ARID1B: variants seen among roughly 807,000 people sequenced by gnomAD.
The protein encoded by ARID1B is AT-rich interactive domain-containing protein 1B.
ARID1B carries 30 observed loss-of-function variants against 212.3 expected under a neutral mutation model. That is an observed-to-expected ratio of 0.14 (90% CI 0.11 to 0.19). The LOEUF (loss-of-function observed/expected upper bound fraction) is 0.19, where lower values mean the gene tolerates loss of function less well. Ranked by LOEUF, ARID1B falls within the 10% of genes least tolerant of loss-of-function variation. The probability of loss-of-function intolerance (pLI) is 1.00; values close to 1 mark genes in which losing one functional copy is unlikely to be tolerated. For synonymous variants in ARID1B, 1,402 were observed against 1,301.7 expected, an observed-to-expected ratio of 1.08 and a Z score of -1.66; for missense variants, 2,891 against 3,204.0, an observed-to-expected ratio of 0.90 and a Z score of 2.36.
intron 3 of ARID1B, among the ~76,000 whole-genome samples, chr6:156,931,754 G>T (rs1342952936): frequency 6.6e-6 from 1 of 152,016 alleles, no homozygotes; most frequent in Non-Finnish European, 1.5e-5. Context: ...CTTGAGGTTG[G>T]GAGTTTGAGA....
chr6:156,918,744 C>T (rs1008541390), intron 3 of ARID1B, among the ~76,000 whole-genome samples: 14 of 152,058 alleles, frequency 9.2e-5, no homozygotes, highest in African/African-American at 3.4e-4. Flanking sequence ...GGCTTCTAAC[C>T]TTGTGTTGGG....
intron 2 of ARID1B, among the ~76,000 whole-genome samples, chr6:156,898,925 C>T (rs1433108329): frequency 6.6e-6 from 1 of 152,146 alleles, no homozygotes; most frequent in Non-Finnish European, 1.5e-5. Context: ...GAGCCAAGAT[C>T]GCGCCATTGC....
At chr6:156,910,133 G>A (rs1205060604) in intron 3 of ARID1B, among the ~76,000 whole-genome samples, 2 of 152,226 alleles carry the variant, frequency 1.3e-5, no homozygotes. Context: ...CGTAATGTTT[G>A]GTTGTCCCAC....
chr6:157,006,976 A>C (rs1583130396), intron 4 of ARID1B, among the ~76,000 whole-genome samples: 1 of 152,250 alleles, frequency 6.6e-6, no homozygotes, highest in Non-Finnish European at 1.5e-5. Context: ...CAGACACGCA[A>C]AGTTTATCAG....
intron 4 of ARID1B, among the ~76,000 whole-genome samples, chr6:156,994,782 C>T (rs1013953896): frequency 6.6e-6 from 1 of 152,136 alleles, no homozygotes; most frequent in African/African-American, 2.4e-5. Context: ...GATTGTCCTC[C>T]ACCAGTGGAC....
chr6:156,838,733 A>AAT (rs1049287456), intron 2 of ARID1B, among the ~76,000 whole-genome samples: 3 of 149,678 alleles, frequency 2.0e-5, no homozygotes, highest in Non-Finnish European at 3.0e-5. Flanking sequence ...TAATAATAAT[A>AAT]AACAAAAAAA....
At position 157,167,214 on chromosome 6, in the gene ARID1B, C is replaced by T. The variant is rs376024700; in HGVS notation, c.3235+29C>T. The T allele has an allele frequency of 5.6e-6, 9 of 1,593,892 alleles. No homozygotes were observed. The African/African-American group carries it at 1.2e-4, about 21-fold the overall frequency. ...ACCTTGGCAGCTCTGCGCTCCTGAG[C>T]CCCTCTCTCTCCCCTCTCCTCCTCT... On this transcript the variant is annotated intron_variant, in intron 9 of 19. Coordinates refer to ENST00000636930, the MANE Select transcript of ARID1B (RefSeq NM_001374828.1).
intron 2 of ARID1B, among the ~76,000 whole-genome samples, chr6:156,854,106 A>G (rs1361579674): frequency 6.6e-6 from 1 of 152,224 alleles, no homozygotes; most frequent in East Asian, 1.9e-4. Context: ...ACTAAAAAAC[A>G]AACTTTTTTT....
chr6:157,117,497 T>G (rs1465427933), intron 6 of ARID1B, among the ~76,000 whole-genome samples: 1 of 152,170 alleles, frequency 6.6e-6, no homozygotes, highest in Non-Finnish European at 1.5e-5. Context: ...CTCTTACCTT[T>G]TCCTGCAATC....
chr6:157,023,961 A>G (rs1451010333), intron 4 of ARID1B: 1 of 152,204 alleles, frequency 6.6e-6, no homozygotes, highest in East Asian at 1.9e-4. Flanking sequence ...TATTCTTTAA[A>G]CTTTCACCAA....
chr6:156,827,596 G>A (rs961591950), intron 1 of ARID1B, among the ~76,000 whole-genome samples: 5 of 152,110 alleles, frequency 3.3e-5, no homozygotes, highest in Admixed American at 2.6e-4. Flanking sequence ...TCGTAAATTC[G>A]TGCTTCACGT....
chr6:157,096,521 C>A (rs956990069), intron 5 of ARID1B, among the ~76,000 whole-genome samples: 1 of 152,258 alleles, frequency 6.6e-6, no homozygotes, highest in Non-Finnish European at 1.5e-5. Context: ...TTAGTCCAAT[C>A]TGAAAGAAGT....
chr6:156,795,139 A>ACTAGTC (rs1780275517), intron 1 of ARID1B, among the ~76,000 whole-genome samples: 1 of 86,248 alleles, frequency 1.2e-5, no homozygotes, highest in South Asian at 2.9e-4. Context: ...ATTTAGAGGA[A>ACTAGTC]AGCCTGCTTG....
chr6:157,149,152 T>A (rs1790018656), intron 8 of ARID1B: 2 of 606,678 alleles, frequency 3.3e-6, no homozygotes, highest in Non-Finnish European at 5.8e-6. Context: ...TTATGATACA[T>A]GAGGAAGGAA....
intron 4 of ARID1B, among the ~76,000 whole-genome samples, chr6:157,056,276 G>T (rs1033554634): frequency 6.6e-6 from 1 of 152,028 alleles, no homozygotes; most frequent in Non-Finnish European, 1.5e-5. Flanking sequence ...AGATACAAAG[G>T]TCTTTTTTTT....
intron 4 of ARID1B, among the ~76,000 whole-genome samples, chr6:157,005,861 T>C (rs1401922270): frequency 6.6e-6 from 1 of 152,210 alleles, no homozygotes; most frequent in Non-Finnish European, 1.5e-5. Flanking sequence ...TCCCTGAACT[T>C]AAAACTCTCT....
intron 4 of ARID1B, among the ~76,000 whole-genome samples, chr6:157,065,226 TG>T (rs1257992258): frequency 6.6e-6 from 1 of 152,218 alleles, no homozygotes; most frequent in African/African-American, 2.4e-5. Flanking sequence ...AAGGAAAATC[TG>T]AGAGACAAAT....
At position 156,778,408 on chromosome 6, in the gene ARID1B, G is replaced by C. The variant is rs1340926951; in HGVS notation, c.728G>C (p.Gly243Ala). 2 of 1,533,786 alleles carry C rather than the reference G, an allele frequency of 1.3e-6. No homozygotes were observed. Among genetic ancestry groups the C allele is most frequent in the Non-Finnish European group, 1.7e-6 (2 of 1,145,112 alleles). The change falls in exon 1 of 20, where the codon GGA (glycine) becomes GCA (alanine). Residue 243 changes from glycine (G) to alanine (A), a missense_variant. This residue lies in a region of ARID1B where 1,643 missense variants were observed against 1,544.0 expected (regional missense o/e 1.06). Transcript: ENST00000636930. ...CCCGACATGGAGCAGCCGCAACATG[G>C]AGGCGCCAAGGACAGTGCTGCGGGC... ...PGPDMEQPQH[G>A]GAKDSAAGGQ...
At chr6:156,916,004 T>C (rs1212700279) in intron 3 of ARID1B, among the ~76,000 whole-genome samples, 6 of 151,158 alleles carry the variant, frequency 4.0e-5, no homozygotes, top group African/African-American at 1.2e-4. Context: ...TTTTAATATA[T>C]ATTTTCCAGT....
Sources: allele counts gnomAD v4.1 joint callset (sites outside exome capture counted in the v4.1 genomes callset), GRCh38; gene constraint gnomAD v4.1.1; regional missense constraint gnomAD v4.1.1; transcripts MANE v1.5; gene names NCBI Gene and HGNC (gene_info 2026-07-23, HGNC 2026-07-21).